FANCC: variants seen among roughly 807,000 people sequenced by gnomAD.
The protein encoded by FANCC is FA complementation group C, also known as Fanconi anemia group C protein.
A neutral mutation model predicts 71.3 loss-of-function variants in FANCC; 55 were observed. That is an observed-to-expected ratio of 0.77 (90% CI 0.62 to 0.97). The LOEUF is 0.97. Among genes scored for constraint, FANCC ranks in the 50% least tolerant of loss-of-function variants. FANCC has a pLI of 0.00. For missense variants in FANCC, 678 were observed against 670.9 expected, an observed-to-expected ratio of 1.01 and a Z score of -0.12; for synonymous variants, 275 against 244.9, an observed-to-expected ratio of 1.12 and a Z score of -1.15.
chr9:95,229,902 G>A (rs1464009590), intron 4 of FANCC, among the ~76,000 whole-genome samples: 2 of 151,802 alleles, frequency 1.3e-5, no homozygotes, highest in Non-Finnish European at 2.9e-5. Context: ...AAAAAGAGAA[G>A]GGAAAAAATT....
chr9:95,223,286 GCCTCTC>G (rs1396632121), intron 4 of FANCC, among the ~76,000 whole-genome samples: 3 of 152,090 alleles, frequency 2.0e-5, no homozygotes, highest in African/African-American at 7.2e-5. Flanking sequence ...GTGAGGAAAT[GCCTCTC>G]CCTACACTTC....
intron 4 of FANCC, among the ~76,000 whole-genome samples, chr9:95,224,033 T>C (rs1170740352): frequency 6.6e-6 from 1 of 152,142 alleles, no homozygotes; most frequent in Non-Finnish European, 1.5e-5. Context: ...ATTTACACCT[T>C]AACTTTTCTC....
chr9:95,270,503 A>G (rs551269618), intron 1 of FANCC, among the ~76,000 whole-genome samples: 3 of 152,402 alleles, frequency 2.0e-5, no homozygotes, highest in African/African-American at 7.2e-5. Context: ...GATACTTCAG[A>G]AAAATTCCAA....
At chr9:95,296,453 A>T (rs536427688) in intron 1 of FANCC, among the ~76,000 whole-genome samples, 82 of 152,362 alleles carry the variant, frequency 5.4e-4, no homozygotes, top group African/African-American at 1.9e-3. Flanking sequence ...TTTTTATTTT[A>T]AAAAATTTAT....
intron 6 of FANCC, among the ~76,000 whole-genome samples, chr9:95,165,062 T>C (rs906030596): frequency 2.0e-5 from 3 of 151,990 alleles, no homozygotes; most frequent in Non-Finnish European, 4.4e-5. Flanking sequence ...TTCAATTTGT[T>C]GGTATATAAT....
At chr9:95,310,549 G>C (rs1835329082) in intron 1 of FANCC, among the ~76,000 whole-genome samples, 1 of 152,166 alleles carries the variant, frequency 6.6e-6, no homozygotes, top group Admixed American at 6.5e-5. Context: ...ACATACTTCT[G>C]TTCCAGCATC....
In FANCC at chr9:95,100,663, C is replaced by T; in HGVS notation, c.*1044G>A. On this transcript the variant is annotated 3_prime_UTR_variant, in exon 15 of 15. Coordinates refer to ENST00000289081, the MANE Select transcript of FANCC (RefSeq NM_000136.3). Reference sequence around the variant, plus strand: ...TGCCTTTTTTTAAGAGATGGTCTCGCTCTGTTGCCCAGGCTGGAGTGCAGT... The same window carrying T: ...TGCCTTTTTTTAAGAGATGGTCTCGTTCTGTTGCCCAGGCTGGAGTGCAGT... 4.4e-6 allele frequency: 1 copy of T among 229,378 alleles called. No homozygotes were observed. The highest frequency in any genetic ancestry group is 8.6e-6 in the Non-Finnish European group (1 of 115,650). The allele number at this position is 229,378 out of a possible 1,614,324, so 14.2% of individuals were successfully genotyped here. A position where few individuals can be genotyped will look rare whatever the true frequency, so the allele number is the denominator to read the frequency against.
intron 4 of FANCC, among the ~76,000 whole-genome samples, chr9:95,208,438 T>G (rs901492285): frequency 6.6e-6 from 1 of 152,028 alleles, no homozygotes; most frequent in Admixed American, 6.6e-5. Flanking sequence ...TATTATCTCC[T>G]ACTATGCCAT....
At chr9:95,173,538 G>A (rs1414787712) in intron 4 of FANCC, among the ~76,000 whole-genome samples, 2 of 152,174 alleles carry the variant, frequency 1.3e-5, no homozygotes, top group Admixed American at 1.3e-4. Flanking sequence ...TCACTATAGT[G>A]GTTATTTCTC....
intron 1 of FANCC, among the ~76,000 whole-genome samples, chr9:95,307,316 T>C (rs537909967): frequency 6.6e-6 from 1 of 151,916 alleles, no homozygotes; most frequent in Non-Finnish European, 1.5e-5. Flanking sequence ...AGAAATAAAT[T>C]AAGAAATCAA....
At chr9:95,136,633 C>T (rs1007527204) in intron 7 of FANCC, among the ~76,000 whole-genome samples, 5 of 152,144 alleles carry the variant, frequency 3.3e-5, no homozygotes, top group African/African-American at 1.2e-4. Context: ...ACTACAGGTG[C>T]ACGTCACCAC....
intron 7 of FANCC, among the ~76,000 whole-genome samples, chr9:95,143,354 C>A (rs1423765370): frequency 6.6e-6 from 1 of 152,120 alleles, no homozygotes; most frequent in Non-Finnish European, 1.5e-5. Flanking sequence ...CTGATTAAAT[C>A]GCTGGCCAGT....
intron 4 of FANCC, among the ~76,000 whole-genome samples, chr9:95,227,750 G>A (rs1456451371): frequency 6.6e-6 from 1 of 152,154 alleles, no homozygotes; most frequent in Non-Finnish European, 1.5e-5. Context: ...GTGGCCCATT[G>A]GGATCAGGCC....
intron 9 of FANCC, 109 bp downstream of exon 9, chr9:95,126,420 T>A (rs1243569049): frequency 1.8e-6 from 2 of 1,102,624 alleles, no homozygotes; most frequent in Admixed American, 3.8e-5. Flanking sequence ...AATCAGAAAC[T>A]CTAATTTCCC....
At chr9:95,181,804 ACT>A (rs1826389144) in intron 4 of FANCC, among the ~76,000 whole-genome samples, 1 of 152,106 alleles carries the variant, frequency 6.6e-6, no homozygotes, top group African/African-American at 2.4e-5. Context: ...AAAGAATGAA[ACT>A]CTGCTCATGT....
chr9:95,154,713 C>T (rs1830362140), intron 6 of FANCC, among the ~76,000 whole-genome samples: 1 of 152,020 alleles, frequency 6.6e-6, no homozygotes, highest in Non-Finnish European at 1.5e-5. Context: ...CTTGCTCCAG[C>T]GGGGAGAATA....
intron 4 of FANCC, among the ~76,000 whole-genome samples, chr9:95,224,797 T>G (rs900736603): frequency 1.3e-5 from 2 of 152,222 alleles, no homozygotes; most frequent in Non-Finnish European, 2.9e-5. Context: ...GATGGTCTGA[T>G]TCCCAAAGGA....
intron 10 of FANCC, among the ~76,000 whole-genome samples, chr9:95,117,793 A>C (rs1430517780): frequency 6.8e-6 from 1 of 146,972 alleles, no homozygotes; most frequent in Non-Finnish European, 1.5e-5. Flanking sequence ...GCGCGATCTC[A>C]GCTCACCGCA....
chr9:95,182,187 T>C (rs1430410070), intron 4 of FANCC, among the ~76,000 whole-genome samples: 1 of 150,740 alleles, frequency 6.6e-6, no homozygotes, highest in Non-Finnish European at 1.5e-5. Context: ...ACCACTTTGC[T>C]CTCCATGGCA....
Sources: gnomAD v4.1 joint callset for allele counts (sites outside exome capture counted in the v4.1 genomes callset) on GRCh38, gnomAD v4.1.1 for gene constraint, MANE v1.5 for transcripts, NCBI Gene and HGNC (gene_info 2026-07-23, HGNC 2026-07-21) for gene names.